UBE2F: variants seen among roughly 807,000 people sequenced by gnomAD.
UBE2F encodes the protein ubiquitin conjugating enzyme E2 F (putative).
UBE2F carries 5 observed loss-of-function variants against 29.6 expected under a neutral mutation model. The ratio of observed to expected loss-of-function variants is 0.17; its 90% confidence interval spans 0.09 to 0.36. The LOEUF is 0.36. Ranked by LOEUF, UBE2F falls within the 10% of genes least tolerant of loss-of-function variation. The pLI is 1.00. For synonymous variants in UBE2F, 66 were observed against 81.8 expected, an observed-to-expected ratio of 0.81 and a Z score of 1.04; for missense variants, 141 against 228.5, an observed-to-expected ratio of 0.62 and a Z score of 2.47.
intron 3 of UBE2F, among the ~76,000 whole-genome samples, 158 bp from the exon 4 acceptor site, chr2:237,994,586 G>A (rs944549499): frequency 1.3e-5 from 2 of 152,168 alleles, no homozygotes; most frequent in African/African-American, 2.4e-5. Context: ...GTATTGGCAC[G>A]ATTATTATCA....
At chr2:238,021,209 C>T (rs2106390475) in intron 5 of UBE2F, among the ~76,000 whole-genome samples, 1 of 152,302 alleles carries the variant, frequency 6.6e-6, no homozygotes, top group Middle Eastern at 3.4e-3. Context: ...GATAACATGA[C>T]CATGGCCAGC....
Position 237,990,404 on chromosome 2 carries a change from T to TA in UBE2F, c.148+2412_148+2413insA, listed in dbSNP as rs770516005. The TA allele has an allele frequency of 1.4e-3, 198 of 139,156 alleles. No individual in the cohort carries two copies. In the South Asian group the frequency reaches 0.033, roughly 23 times the overall value. The allele number at this position is 139,156 out of a possible 1,614,324, so 8.6% of individuals were successfully genotyped here. On this transcript the variant is annotated intron_variant, in intron 3 of 9. Coordinates refer to ENST00000272930, the MANE Select transcript of UBE2F (RefSeq NM_080678.3). Reference sequence around the variant, plus strand: ...TTGAGCCTGTATATACATGTAAACCTTTTTTTTTTTTTTTAATAGACAGGG... The same window carrying TA: ...TTGAGCCTGTATATACATGTAAACCTATTTTTTTTTTTTTTAATAGACAGGG...
At chr2:237,979,836 A>G (rs983055033) in intron 2 of UBE2F, among the ~76,000 whole-genome samples, 2 of 152,306 alleles carry the variant, frequency 1.3e-5, no homozygotes, top group East Asian at 3.9e-4. Flanking sequence ...CTCCATTCTT[A>G]GTGATACCAG....
intron 2 of UBE2F, among the ~76,000 whole-genome samples, chr2:237,973,911 A>G (rs56218201): frequency 0.024 from 3,652 of 152,326 alleles, 144 homozygotes; most frequent in African/African-American, 0.083. Context: ...CTTGGGGGTC[A>G]TAAGACCTAT....
intron 5 of UBE2F, among the ~76,000 whole-genome samples, chr2:238,017,394 G>A (rs567895315): frequency 6.6e-6 from 1 of 152,346 alleles, no homozygotes; most frequent in African/African-American, 2.4e-5. Flanking sequence ...GTGGTGACAG[G>A]TGTGGACATG....
chr2:238,010,107 T>C (rs777485310), intron 4 of UBE2F, among the ~76,000 whole-genome samples: 15 of 152,306 alleles, frequency 9.8e-5, no homozygotes, highest in Non-Finnish European at 1.9e-4. Context: ...TTTAAGTATT[T>C]TATTTGTCAT....
intron 6 of UBE2F, among the ~76,000 whole-genome samples, chr2:238,027,758 G>A (rs2064466842): frequency 6.6e-6 from 1 of 152,214 alleles, no homozygotes; most frequent in African/African-American, 2.4e-5. Context: ...AAGCCCAACC[G>A]CACCTCTGGT....
At chr2:237,976,828 G>A (rs1381998081) in intron 2 of UBE2F, among the ~76,000 whole-genome samples, 1 of 152,140 alleles carries the variant, frequency 6.6e-6, no homozygotes, top group African/African-American at 2.4e-5. Context: ...TCAAAGCCTT[G>A]CCAGATTGAT....
At chr2:238,036,060 G>C in intron 9 of UBE2F, 120 bp downstream of exon 9, 1 of 852,312 alleles carries the variant, frequency 1.2e-6, no homozygotes, top group African/African-American at 1.7e-5. Flanking sequence ...TGCAAGGCTG[G>C]AATTCAAAGC....
chr2:238,041,410 C>T lies in UBE2F; in HGVS notation c.*72C>T. On this transcript the variant is annotated 3_prime_UTR_variant, in exon 10 of 10. Coordinates refer to ENST00000272930, the MANE Select transcript of UBE2F (RefSeq NM_080678.3). The stretch of plus-strand genomic sequence containing the variant: ...CTAACATGAAACAGCAAGAGGTAGC[C>T]CCCTCTCCCGTCCTCATGCTCCCTC... The T allele has an allele frequency of 1.3e-6, 2 of 1,531,042 alleles. No individual in the cohort carries two copies. Among genetic ancestry groups the T allele is most frequent in the Non-Finnish European group, 1.8e-6 (2 of 1,107,334 alleles). 94.8% of individuals were successfully genotyped at this position (1,531,042 alleles called of 1,614,324 possible). A position where few individuals can be genotyped will look rare whatever the true frequency, so the allele number is the denominator to read the frequency against.
intron 5 of UBE2F, among the ~76,000 whole-genome samples, chr2:238,021,092 A>G (rs976350889): frequency 6.6e-6 from 1 of 152,186 alleles, no homozygotes; most frequent in Non-Finnish European, 1.5e-5. Context: ...GGTTGGAGGA[A>G]GCTGTGTGCT....
At chr2:237,972,328 G>A (rs903960662) in intron 1 of UBE2F, among the ~76,000 whole-genome samples, 8 of 152,112 alleles carry the variant, frequency 5.3e-5, no homozygotes, top group Non-Finnish European at 1.2e-4. Flanking sequence ...ACCTGGGACC[G>A]TACCATGTGT....
intron 9 of UBE2F, 137 bp from the exon 10 acceptor site, chr2:238,041,151 G>A (rs564495251): frequency 3.8e-6 from 3 of 783,558 alleles, no homozygotes; most frequent in Non-Finnish European, 6.5e-6. Flanking sequence ...ACTCCGCAAG[G>A]TCCCAGTCCT....
At chr2:238,035,850 GTTTAC>G (rs1232054817) in intron 8 of UBE2F, 23 bp from the exon 9 acceptor site, 8 of 1,588,508 alleles carry the variant, frequency 5.0e-6, no homozygotes, top group South Asian at 1.1e-5. Context: ...TTCTCCCAAT[GTTTAC>G]TTTAAGTTTC....
In UBE2F at chr2:238,025,429, T is replaced by G; in HGVS notation, c.353+17T>G. 3.7e-6 allele frequency: 6 copies of G among 1,605,862 alleles called. No individual in the cohort carries two copies. The East Asian group carries it at 1.1e-4, about 30-fold the overall frequency. Reference sequence around the variant, plus strand: ...ATGTCTGAGGTGAGTTTATTGTCTTTTCTTTCTTCTACATTCGTGAGTGTC... The same window carrying G: ...ATGTCTGAGGTGAGTTTATTGTCTTGTCTTTCTTCTACATTCGTGAGTGTC... On this transcript the variant is annotated intron_variant, in intron 6 of 9. Transcript: ENST00000272930.
chr2:237,975,528 T>C (rs1559199571), intron 2 of UBE2F, among the ~76,000 whole-genome samples: 1 of 152,200 alleles, frequency 6.6e-6, no homozygotes, highest in Non-Finnish European at 1.5e-5. Flanking sequence ...GGCATTTACG[T>C]GTCCTGAAGA....
rs1463427392 is a variant in UBE2F at position 237,982,291 on chromosome 2, G to T, written c.119-5672G>T. On this transcript the variant is annotated intron_variant, in intron 2 of 9. Coordinates refer to ENST00000272930, the MANE Select transcript of UBE2F (RefSeq NM_080678.3). The surrounding 1 kb of genome is among the most constrained non-coding windows in gnomAD (Gnocchi z 4.1). The stretch of plus-strand genomic sequence containing the variant: ...CACCCCTATCCCCGTAGGAGAAGGG[G>T]CCTGGCTCTGTTGCCCATTTCTTCC... 2.0e-5 allele frequency among the ~76,000 whole-genome samples: 3 copies of T among 152,048 alleles called. No individual in the cohort carries two copies. The highest frequency in any genetic ancestry group is 4.4e-5 in the Non-Finnish European group (3 of 68,008).
chr2:237,968,974 T>A, intron 1 of UBE2F: 1 of 416,410 alleles, frequency 2.4e-6, no homozygotes, highest in Non-Finnish European at 3.2e-6. Context: ...GGTTTAAATT[T>A]AATTTTACAG....
At chr2:238,025,509 C>T (rs1243795516) in intron 6 of UBE2F, 97 bp downstream of exon 6, 2 of 1,152,748 alleles carry the variant, frequency 1.7e-6, no homozygotes, top group Non-Finnish European at 2.5e-6. Context: ...GATTTTGAGG[C>T]ATGGCCAAGA....
Sources: gnomAD v4.1 joint callset for allele counts (sites outside exome capture counted in the v4.1 genomes callset) on GRCh38, gnomAD v4.1.1 for gene constraint, Gnocchi (gnomAD v3.1) non-coding constraint, MANE v1.5 for transcripts, NCBI Gene and HGNC (gene_info 2026-07-23, HGNC 2026-07-21) for gene names.